The following CRB1 variants were observed in gnomAD, a reference collection of about 807,000 sequenced individuals.
CRB1 encodes the protein protein crumbs homolog 1.
Under a neutral mutation model 120.0 loss-of-function variants are expected in CRB1, and 83 were observed. The observed-to-expected ratio is 0.69, with a 90% CI of 0.58 to 0.83. The LOEUF (loss-of-function observed/expected upper bound fraction) is 0.83. Ranked by LOEUF, CRB1 falls within the 40% of genes least tolerant of loss-of-function variation. The pLI is 0.00. For missense variants in CRB1, 1,699 were observed against 1,687.6 expected, an observed-to-expected ratio of 1.01 and a Z score of -0.12; for synonymous variants, 625 against 612.5, an observed-to-expected ratio of 1.02 and a Z score of -0.30.
intron 1 of CRB1, among the ~76,000 whole-genome samples, chr1:197,319,628 T>C (rs1658072181): frequency 6.6e-6 from 1 of 152,082 alleles, no homozygotes; most frequent in African/African-American, 2.4e-5. Context: ...ATATTTAGGA[T>C]CAGTTTATTG....
intron 4 of CRB1, among the ~76,000 whole-genome samples, chr1:197,355,152 G>T (rs1460223559): frequency 6.6e-6 from 1 of 151,736 alleles, no homozygotes; most frequent in East Asian, 1.9e-4. Flanking sequence ...GTGCTGGTTG[G>T]TGTATTTACA....
At chr1:197,313,550 T>G (rs1162687009) in intron 1 of CRB1, among the ~76,000 whole-genome samples, 1 of 152,204 alleles carries the variant, frequency 6.6e-6, no homozygotes, top group Admixed American at 6.5e-5. Context: ...TAGAATGTAT[T>G]CCTTTTATCA....
chr1:197,285,790 C>T (rs548191338), intron 1 of CRB1, among the ~76,000 whole-genome samples: 1 of 151,968 alleles, frequency 6.6e-6, no homozygotes, highest in African/African-American at 2.4e-5. Context: ...CCAAGGAAGG[C>T]CATGCCAGGG....
intron 11 of CRB1, among the ~76,000 whole-genome samples, chr1:197,470,894 C>T (rs1320693925): frequency 2.6e-5 from 4 of 152,220 alleles, no homozygotes; most frequent in African/African-American, 4.8e-5. Context: ...TGTCAAATCT[C>T]AGTGTCACTG....
At chr1:197,347,238 A>T in intron 3 of CRB1, 102 bp from the exon 4 acceptor site, 7 of 1,020,270 alleles carry the variant, frequency 6.9e-6, no homozygotes, top group Non-Finnish European at 1.1e-5. Context: ...TAGTAAGATG[A>T]TGCCATGGGT....
At chr1:197,242,568 A>G in the CRB1 span, among the ~76,000 whole-genome samples, 1 of 152,104 alleles carries the variant, frequency 6.6e-6, no homozygotes, top group Non-Finnish European at 1.5e-5. Flanking sequence ...GTGCTGCTGG[A>G]TTCCATTTGT....
intron 5 of CRB1, among the ~76,000 whole-genome samples, chr1:197,396,181 T>TA (rs1272955605): frequency 6.6e-6 from 1 of 152,168 alleles, no homozygotes; most frequent in Non-Finnish European, 1.5e-5. Flanking sequence ...TAGTTGTTTT[T>TA]ATACGCTAGC....
At chr1:197,228,521 A>T in the CRB1 span, among the ~76,000 whole-genome samples, 1 of 152,142 alleles carries the variant, frequency 6.6e-6, no homozygotes, top group African/African-American at 2.4e-5. Flanking sequence ...TCCATCTGAG[A>T]CCACCTCAGC....
chr1:197,288,518 A>G (rs1655968445), intron 1 of CRB1, among the ~76,000 whole-genome samples: 1 of 151,894 alleles, frequency 6.6e-6, no homozygotes, highest in Non-Finnish European at 1.5e-5. Flanking sequence ...GAGAAAAATA[A>G]ATCAATCAAA....
chr1:197,268,576 T>C (rs1412545407), intron 1 of CRB1, 94 bp downstream of exon 1: 3 of 1,012,666 alleles, frequency 3.0e-6, no homozygotes, highest in Middle Eastern at 2.1e-4. Flanking sequence ...TTCTATAAAA[T>C]ACAATGCTAA....
chr1:197,327,151 G>A (rs12090570), intron 1 of CRB1, among the ~76,000 whole-genome samples: 2 of 144,718 alleles, frequency 1.4e-5, no homozygotes, highest in African/African-American at 5.1e-5. Context: ...AAGGCTGGGA[G>A]AGGCAGAGCA....
intron 5 of CRB1, among the ~76,000 whole-genome samples, chr1:197,386,861 CTG>C (rs2125408266): frequency 6.6e-6 from 1 of 152,202 alleles, no homozygotes; most frequent in East Asian, 1.9e-4. Flanking sequence ...ATCCTAGTAA[CTG>C]TCAATTGTTA....
chr1:197,299,832 T>A (rs1025933537), intron 1 of CRB1, among the ~76,000 whole-genome samples: 1 of 151,776 alleles, frequency 6.6e-6, no homozygotes, highest in Admixed American at 6.6e-5. Context: ...ATACTGCATT[T>A]TTTTTCACAA....
rs764112978 is a variant in CRB1 at position 197,306,646 on chromosome 1, GA to G, written c.71-21773del. Among the ~76,000 whole-genome samples, 221 of 152,264 alleles carry G rather than the reference GA, an allele frequency of 1.5e-3. 1 individual carries two copies. The highest frequency in any genetic ancestry group is 2.6e-3 in the Non-Finnish European group (178 of 68,012). On this transcript the variant is annotated intron_variant, in intron 1 of 11. Transcript: ENST00000367400. ...GTGCTGAGAGCAAGACTTAGGCACA[GA>G]AACCTCAAGGGACAAGGATCAAAGA... is the stretch of plus-strand genomic sequence containing the variant.
intron 4 of CRB1, among the ~76,000 whole-genome samples, chr1:197,354,817 GCCCCCCCACCCCCCCCC>G (rs1660356488): frequency 2.1e-4 from 4 of 19,464 alleles, no homozygotes; most frequent in South Asian, 3.2e-3. Flanking sequence ...TCTGCCCCCC[GCCCCCCCACCCCCCCCC>G]CCCGCCCACC....
intron 2 of CRB1, 41 bp from the exon 3 acceptor site, chr1:197,344,240 T>C: frequency 6.3e-7 from 1 of 1,595,436 alleles, no homozygotes; most frequent in Non-Finnish European, 8.6e-7. Context: ...AACACTTTGC[T>C]AAAACTTTTT....
At chr1:197,438,769 G>A in intron 10 of CRB1, 94 bp downstream of exon 10, 1 of 1,472,528 alleles carries the variant, frequency 6.8e-7, no homozygotes, top group Non-Finnish European at 9.4e-7. Flanking sequence ...TTTTATCTCA[G>A]TTCCCATAGG....
At chr1:197,323,026 AAC>A (rs1658294078) in intron 1 of CRB1, among the ~76,000 whole-genome samples, 1 of 152,162 alleles carries the variant, frequency 6.6e-6, no homozygotes. Context: ...GGTTAAATGA[AAC>A]ACAAGAATTA....
chr1:197,242,923 T>G, the CRB1 span, among the ~76,000 whole-genome samples: 3 of 152,176 alleles, frequency 2.0e-5, no homozygotes, highest in Admixed American at 1.3e-4. Flanking sequence ...TGTCCAGGAA[T>G]TTATCCATTT....
Sources: gnomAD v4.1 joint callset for allele counts (sites outside exome capture counted in the v4.1 genomes callset) on GRCh38, gnomAD v4.1.1 for gene constraint, MANE v1.5 for transcripts, NCBI Gene and HGNC (gene_info 2026-07-23, HGNC 2026-07-21) for gene names.